The following CLIP1 variants were observed in gnomAD, a reference collection of about 807,000 sequenced individuals.
The protein encoded by CLIP1 is CAP-Gly domain containing linker protein 1, also known as CAP-Gly domain-containing linker protein 1.
Under a neutral mutation model 161.6 loss-of-function variants are expected in CLIP1, and 66 were observed. The observed-to-expected ratio is 0.41, with a 90% CI of 0.33 to 0.50. The LOEUF (loss-of-function observed/expected upper bound fraction) is 0.50, where lower values mean the gene tolerates loss of function less well. Among genes scored for constraint, CLIP1 ranks in the 20% least tolerant of loss-of-function variants. The pLI is 0.27. For synonymous variants in CLIP1, 598 were observed against 626.2 expected (o/e 0.96, Z 0.67); for missense variants, 1,376 against 1,702.0 (o/e 0.81, Z 3.37).
intron 1 of CLIP1, among the ~76,000 whole-genome samples, chr12:122,398,229 A>G (rs960526442): frequency 6.6e-6 from 1 of 150,762 alleles, no homozygotes; most frequent in African/African-American, 2.4e-5. Context: ...CAGCCTGGCC[A>G]ACATGGTGAA....
chr12:122,330,943 C>G (rs750262405), intron 15 of CLIP1, among the ~76,000 whole-genome samples: 41 of 152,118 alleles, frequency 2.7e-4, no homozygotes, highest in Non-Finnish European at 5.3e-4. Context: ...TGGGACCAGA[C>G]TGCCCAGATC....
intron 7 of CLIP1, among the ~76,000 whole-genome samples, 179 bp downstream of exon 7, chr12:122,354,274 G>C (rs952089419): frequency 2.0e-5 from 3 of 151,812 alleles, no homozygotes; most frequent in Non-Finnish European, 2.9e-5. Flanking sequence ...ACATTCCTGT[G>C]GTCCCAGCTA....
intron 21 of CLIP1, among the ~76,000 whole-genome samples, chr12:122,286,552 A>C (rs1052752490): frequency 7.1e-6 from 1 of 140,132 alleles, no homozygotes; most frequent in Non-Finnish European, 1.5e-5. Flanking sequence ...AAAAAAAAAA[A>C]GTAGACAAAG....
intron 3 of CLIP1, among the ~76,000 whole-genome samples, chr12:122,376,300 A>G: frequency 6.6e-6 from 1 of 151,796 alleles, no homozygotes; most frequent in East Asian, 1.9e-4. Context: ...TGATCCTCCC[A>G]CCTTGGCCTC....
At chr12:122,417,657 C>G (rs1956802153) in intron 1 of CLIP1, among the ~76,000 whole-genome samples, 1 of 151,778 alleles carries the variant, frequency 6.6e-6, no homozygotes. Flanking sequence ...GGACTACAGG[C>G]ACCCGCCACC....
At chr12:122,327,283 C>CA (rs1199758190) in intron 17 of CLIP1, among the ~76,000 whole-genome samples, 6 of 150,938 alleles carry the variant, frequency 4.0e-5, no homozygotes, top group Admixed American at 6.6e-5. Flanking sequence ...CCATTCTCTA[C>CA]AAAAAAAAGA....
intron 19 of CLIP1, among the ~76,000 whole-genome samples, chr12:122,310,679 C>T (rs1043409617): frequency 6.6e-6 from 1 of 152,154 alleles, no homozygotes; most frequent in Admixed American, 6.5e-5. Flanking sequence ...TATTTGATCA[C>T]TAAATCTTAG....
intron 21 of CLIP1, among the ~76,000 whole-genome samples, chr12:122,288,006 T>C (rs1483209089): frequency 1.3e-5 from 2 of 152,106 alleles, no homozygotes; most frequent in East Asian, 3.8e-4. Context: ...GTTTTAGTAA[T>C]AGTGAAACTT....
intron 23 of CLIP1, chr12:122,278,535 T>C (rs2136220162): frequency 5.7e-6 from 3 of 522,740 alleles, no homozygotes; most frequent in African/African-American, 3.8e-5. Context: ...TGTTATGTAC[T>C]TTAAGACCCC....
At chr12:122,303,511 T>C (rs369745084) in intron 20 of CLIP1, among the ~76,000 whole-genome samples, 2 of 152,182 alleles carry the variant, frequency 1.3e-5, no homozygotes, top group Non-Finnish European at 2.9e-5. Context: ...GGTTTCTGGA[T>C]AGAGTCAAGG....
At chr12:122,346,495 GTTTT>G (rs34177115) in intron 10 of CLIP1, among the ~76,000 whole-genome samples, 3 of 152,008 alleles carry the variant, frequency 2.0e-5, no homozygotes, top group East Asian at 1.9e-4. Flanking sequence ...ACCACTGAGG[GTTTT>G]TTTGTTTTGT....
chr12:122,358,451 AAAAAAG>A (rs921058649), intron 5 of CLIP1, among the ~76,000 whole-genome samples: 15 of 55,848 alleles, frequency 2.7e-4, no homozygotes, highest in African/African-American at 4.7e-4. Flanking sequence ...AAAAAAAAAG[AAAAAAG>A]AAAAAAAAAA....
At chr12:122,317,183 C>G (rs1384029954) in intron 18 of CLIP1, among the ~76,000 whole-genome samples, 1 of 152,112 alleles carries the variant, frequency 6.6e-6, no homozygotes, top group African/African-American at 2.4e-5. Flanking sequence ...TGATTAAAAA[C>G]AAGAAATAAA....
chr12:122,330,464 T>C (rs889816816), intron 15 of CLIP1, among the ~76,000 whole-genome samples: 3 of 152,162 alleles, frequency 2.0e-5, no homozygotes, highest in Admixed American at 2.0e-4. Flanking sequence ...TTATAAATGT[T>C]TGCCTTATAA....
At chr12:122,275,628 ACACACACACACACGCG>A (rs1955381962) in intron 24 of CLIP1, 1 of 90,054 alleles carries the variant, frequency 1.1e-5, no homozygotes, top group Non-Finnish European at 2.0e-5. Context: ...AAAAAAATAC[ACACACACACACACGCG>A]CACACACACA....
Position 122,317,732 on chromosome 12 carries a change from T to C in CLIP1, c.3367-877A>G, listed in dbSNP as rs181896027. Among the ~76,000 whole-genome samples, 586 of 152,078 alleles carry C rather than the reference T, an allele frequency of 3.9e-3. 8 individuals are homozygous for C. The highest frequency in any genetic ancestry group is 0.014 in the African/African-American group (562 of 41,480). On this transcript the variant is annotated intron_variant, in intron 18 of 25. Coordinates refer to ENST00000620786, the MANE Select transcript of CLIP1 (RefSeq NM_001247997.2). ...CATGCCACATGCCACCAGTCAGGAG[T>C]CCTAGAAAATGTCTTGCTAGTTTTA...
intron 1 of CLIP1, among the ~76,000 whole-genome samples, chr12:122,387,362 G>C (rs1356774365): frequency 6.6e-6 from 1 of 151,770 alleles, no homozygotes; most frequent in Non-Finnish European, 1.5e-5. Flanking sequence ...AGCAATGGTG[G>C]ATAAGAACTG....
chr12:122,390,414 C>T (rs113869830), intron 1 of CLIP1, among the ~76,000 whole-genome samples: 30,358 of 149,778 alleles, frequency 0.2, 3,485 homozygotes, highest in Admixed American at 0.26. Flanking sequence ...TGGGTTCAAA[C>T]GATTCTCCTA....
intron 20 of CLIP1, among the ~76,000 whole-genome samples, chr12:122,293,787 G>GTT (rs201115013): frequency 2.0e-4 from 27 of 132,904 alleles, no homozygotes; most frequent in East Asian, 1.1e-3. Context: ...CTGAGAATTT[G>GTT]TTTTTTTTTT....
Sources: allele counts gnomAD v4.1 joint callset (sites outside exome capture counted in the v4.1 genomes callset), GRCh38; gene constraint gnomAD v4.1.1; transcripts MANE v1.5; gene names NCBI Gene and HGNC (gene_info 2026-07-23, HGNC 2026-07-21).